The following CLASP2 variants were observed in gnomAD, a reference collection of about 807,000 sequenced individuals.
The protein encoded by CLASP2 is CLIP-associating protein 2.
A neutral mutation model predicts 194.4 loss-of-function variants in CLASP2; 47 were observed. That is an observed-to-expected ratio of 0.24 (90% CI 0.19 to 0.31). The LOEUF (loss-of-function observed/expected upper bound fraction) is 0.31, where lower values mean the gene tolerates loss of function less well. Among genes scored for constraint, CLASP2 ranks in the 10% least tolerant of loss-of-function variants. CLASP2 has a pLI of 1.00. For synonymous variants in CLASP2, 619 were observed against 633.5 expected (o/e 0.98, Z 0.34); for missense variants, 1,445 against 1,823.6 (o/e 0.79, Z 3.78).
At chr3:33,547,025 T>C (rs943370782) in intron 30 of CLASP2, among the ~76,000 whole-genome samples, 15 of 152,234 alleles carry the variant, frequency 9.9e-5, no homozygotes, top group African/African-American at 3.6e-4. Flanking sequence ...ATGTGGTTTT[T>C]GTATTTTTAC....
chr3:33,645,225 T>C (rs999474196), intron 7 of CLASP2: 6 of 764,520 alleles, frequency 7.8e-6, no homozygotes, highest in Admixed American at 3.4e-5. Flanking sequence ...GCTCCTCCCA[T>C]AGTGTATCTT....
intron 37 of CLASP2, among the ~76,000 whole-genome samples, chr3:33,509,181 G>A (rs1335021102): frequency 1.3e-5 from 2 of 152,144 alleles, no homozygotes; most frequent in Non-Finnish European, 2.9e-5. Context: ...TTCATTTTAT[G>A]ACATCATTAT....
At chr3:33,664,623 C>T (rs2154334495) in intron 6 of CLASP2, among the ~76,000 whole-genome samples, 1 of 152,226 alleles carries the variant, frequency 6.6e-6, no homozygotes, top group East Asian at 1.9e-4. Context: ...ACATCACCTC[C>T]TACTTCCAAT....
chr3:33,637,174 G>C (rs1319513320), intron 8 of CLASP2, among the ~76,000 whole-genome samples: 1 of 152,044 alleles, frequency 6.6e-6, no homozygotes, highest in Non-Finnish European at 1.5e-5. Flanking sequence ...AAAACAACTG[G>C]CCTAGACTCC....
At chr3:33,644,078 C>T (rs566071883) in intron 8 of CLASP2, among the ~76,000 whole-genome samples, 21 of 152,002 alleles carry the variant, frequency 1.4e-4, no homozygotes, top group African/African-American at 4.8e-4. Context: ...AAACTAACAC[C>T]GGAAATATAC....
At chr3:33,510,415 A>G (rs1239130137) in intron 37 of CLASP2, 143 bp downstream of exon 37, 11 of 703,172 alleles carry the variant, frequency 1.6e-5, no homozygotes, top group Admixed American at 2.8e-5. Flanking sequence ...CCCCCTGGCT[A>G]GTTATGAAAA....
intron 7 of CLASP2, among the ~76,000 whole-genome samples, chr3:33,647,976 T>G (rs1383963788): frequency 3.3e-5 from 5 of 151,162 alleles, no homozygotes; most frequent in Non-Finnish European, 5.9e-5. Context: ...GAGGTTGCAG[T>G]GAGCTGAGAT....
rs9871975 is a variant in CLASP2 at position 33,701,726 on chromosome 3, T to C, written c.196-4793A>G. Among the ~76,000 whole-genome samples the C allele has an allele frequency of 7.4e-3, 1,122 of 152,346 alleles. 16 individuals are homozygous for C. Among genetic ancestry groups the C allele is most frequent in the African/African-American group, 0.025 (1,037 of 41,578 alleles). On this transcript the variant is annotated intron_variant, in intron 1 of 38. Coordinates refer to ENST00000682230, the MANE Select transcript of CLASP2 (RefSeq NM_001365631.1). ...CAATGAAGGAAAGAAATATACTTTT[T>C]CAATAAATGGTGATGTTACAATTGG...
intron 6 of CLASP2, among the ~76,000 whole-genome samples, chr3:33,669,009 A>T (rs773123396): frequency 6.6e-6 from 1 of 152,262 alleles, no homozygotes; most frequent in Non-Finnish European, 1.5e-5. Flanking sequence ...GTTAATTCTG[A>T]TAAGAGGAAA....
chr3:33,555,830 A>G (rs1045490324), intron 29 of CLASP2, among the ~76,000 whole-genome samples: 4 of 152,264 alleles, frequency 2.6e-5, no homozygotes, highest in Non-Finnish European at 5.9e-5. Flanking sequence ...CAACTAGTGC[A>G]GTGCCTTAGC....
chr3:33,538,798 A>C lies in CLASP2; in HGVS notation c.3549T>G (p.Asp1183Glu). ...EPLKRDSKKD[D>E]GDSMCGGPGM... is the part of the protein sequence containing the mutation. ...ATATTAAAATACTTACTGAATCGCCATCATCTTTTTTAGAATCCCTTTTCA... is the reference window on the plus strand; with the variant it reads ...ATATTAAAATACTTACTGAATCGCCCTCATCTTTTTTAGAATCCCTTTTCA... Residue 1183 changes from aspartate (D) to glutamate (E), a missense_variant, in exon 33 of 39, where the codon GAT becomes GAG. Physicochemically the swap from Asp to Glu is conservative, Grantham distance 45. This residue lies in a region of CLASP2 where 732 missense variants were observed against 987.9 expected (regional missense o/e 0.74). Transcript: ENST00000682230. 1 of 1,582,196 alleles carries C rather than the reference A, an allele frequency of 6.3e-7. No homozygotes were observed.
chr3:33,588,382 A>T (rs764163706), intron 21 of CLASP2, among the ~76,000 whole-genome samples: 7 of 152,240 alleles, frequency 4.6e-5, no homozygotes, highest in South Asian at 2.1e-4. Context: ...AAAACTTGAC[A>T]TCGAACACCT....
intron 24 of CLASP2, chr3:33,574,397 A>C (rs2064395818): frequency 2.4e-6 from 2 of 832,578 alleles, no homozygotes; most frequent in South Asian, 3.7e-5. Context: ...TTAATAGAAG[A>C]CCATCATTTG....
intron 12 of CLASP2, among the ~76,000 whole-genome samples, chr3:33,617,358 T>C (rs547815892): frequency 4.6e-5 from 7 of 152,240 alleles, no homozygotes; most frequent in South Asian, 4.1e-4. Flanking sequence ...AAAGGCTACA[T>C]TGTAATTCAC....
intron 30 of CLASP2, among the ~76,000 whole-genome samples, chr3:33,547,914 G>C (rs1200265064): frequency 6.7e-6 from 1 of 149,736 alleles, no homozygotes; most frequent in Non-Finnish European, 1.5e-5. Flanking sequence ...TCAGCCTCCT[G>C]AGTAGCTGGG....
chr3:33,592,667 C>A (rs147909077), intron 20 of CLASP2, 171 bp from the exon 21 acceptor site: 2 of 654,520 alleles, frequency 3.1e-6, no homozygotes, highest in Non-Finnish European at 5.4e-6. Context: ...TTTTTTTTTA[C>A]GTGTTATACC....
chr3:33,523,894 A>G (rs2053818320), intron 34 of CLASP2, among the ~76,000 whole-genome samples: 2 of 152,228 alleles, frequency 1.3e-5, no homozygotes, highest in South Asian at 4.1e-4. Context: ...TTAAAGTAGC[A>G]TTATAAATTT....
At chr3:33,632,471 T>A (rs2079268319) in intron 8 of CLASP2, 100 bp from the exon 9 acceptor site, 3 of 820,532 alleles carry the variant, frequency 3.7e-6, no homozygotes, top group East Asian at 2.8e-5. Flanking sequence ...TCAACAAAAG[T>A]ATAATTTTAA....
chr3:33,657,884 T>C (rs2084575972), intron 7 of CLASP2, among the ~76,000 whole-genome samples: 2 of 152,126 alleles, frequency 1.3e-5, no homozygotes, highest in Admixed American at 1.3e-4. Flanking sequence ...GGGGAATTAC[T>C]TCTTAGAAGA....
Sources: allele counts gnomAD v4.1 joint callset (sites outside exome capture counted in the v4.1 genomes callset), GRCh38; gene constraint gnomAD v4.1.1; regional missense constraint gnomAD v4.1.1; transcripts MANE v1.5; gene names NCBI Gene and HGNC (gene_info 2026-07-23, HGNC 2026-07-21).